TGM5: variants seen among roughly 807,000 people sequenced by gnomAD.
TGM5 encodes transglutaminase 5.
TGM5 carries 69 observed loss-of-function variants against 77.2 expected under a neutral mutation model. That is an observed-to-expected ratio of 0.89 (90% CI 0.74 to 1.09). The LOEUF (loss-of-function observed/expected upper bound fraction) is 1.09, where lower values mean the gene tolerates loss of function less well. Ranked by LOEUF, TGM5 falls within the 50% of genes least tolerant of loss-of-function variation. The pLI is 0.00. For missense variants in TGM5, 842 were observed against 896.5 expected (o/e 0.94, Z 0.78); for synonymous variants, 346 against 351.8 (o/e 0.98, Z 0.18).
chr15:43,253,176 C>G (rs901995195), intron 5 of TGM5, among the ~76,000 whole-genome samples: 1 of 152,168 alleles, frequency 6.6e-6, no homozygotes, highest in Non-Finnish European at 1.5e-5. Flanking sequence ...CATGTCCTCC[C>G]ATCCCCTGCA....
rs1220567712 is a variant in TGM5 at position 43,266,850 on chromosome 15, G to T, written c.-1C>A. ...AGGGGCTTTCCCTACCTTGGGCCAT[G>T]GTAGCTGCCTCCGGTTCCTGGGATG... On this transcript the variant is annotated 5_prime_UTR_variant, in exon 1 of 13. Transcript: ENST00000220420. 1 of 1,614,036 alleles carries T rather than the reference G, an allele frequency of 6.2e-7. No homozygotes were observed. The highest frequency in any genetic ancestry group is 8.5e-7 in the Non-Finnish European group (1 of 1,180,050).
chr15:43,246,850 A>G (rs2042672742), intron 6 of TGM5, among the ~76,000 whole-genome samples: 1 of 152,208 alleles, frequency 6.6e-6, no homozygotes, highest in African/African-American at 2.4e-5. Context: ...ATTTGATAAG[A>G]GTCTTCAGAA....
intron 4 of TGM5, 108 bp from the exon 5 acceptor site, chr15:43,253,742 G>T (rs1042827689): frequency 1.4e-6 from 2 of 1,464,416 alleles, no homozygotes; most frequent in Non-Finnish European, 1.9e-6. Context: ...TCACTTGGAA[G>T]GTAACTGTGT....
chr15:43,240,821 C>A (rs2042629986), intron 7 of TGM5, 31 bp downstream of exon 7: 1 of 1,613,578 alleles, frequency 6.2e-7, no homozygotes, highest in Middle Eastern at 1.7e-4. Context: ...GATGTGTGGC[C>A]CTAGAAATAG....
chr15:43,241,036 G>A (rs765079550), intron 6 of TGM5, 46 bp from the exon 7 acceptor site: 12 of 1,613,498 alleles, frequency 7.4e-6, no homozygotes, highest in Non-Finnish European at 1.0e-5. Context: ...GTAGATTCCG[G>A]ACCCGTATAT....
chr15:43,237,541 G>A (rs1226659544), intron 9 of TGM5, among the ~76,000 whole-genome samples: 1 of 151,998 alleles, frequency 6.6e-6, no homozygotes, highest in African/African-American at 2.4e-5. Flanking sequence ...CAAATAATTT[G>A]GGACAGCCTT....
intron 1 of TGM5, among the ~76,000 whole-genome samples, chr15:43,266,469 C>A (rs761307504): frequency 9.2e-5 from 14 of 152,190 alleles, no homozygotes; most frequent in Non-Finnish European, 2.1e-4. Context: ...GGTCCAATCC[C>A]TCCTTTTTCA....
Position 43,239,073 on chromosome 15 carries a change from G to A in TGM5, c.1106-17C>T. 1 of 1,614,050 alleles carries A rather than the reference G, an allele frequency of 6.2e-7. No individual in the cohort carries two copies. The highest frequency in any genetic ancestry group is 8.5e-7 in the Non-Finnish European group (1 of 1,180,004). On this transcript the variant is annotated splice_polypyrimidine_tract_variant and intron_variant, in intron 8 of 12. Coordinates refer to ENST00000220420, the MANE Select transcript of TGM5 (RefSeq NM_201631.4). ...AGTAGACGCCTGAAGGAGAACAGGGGAGCCTCGGTGGGCTGTTTGTTGCAG... is the reference window on the plus strand; with the variant it reads ...AGTAGACGCCTGAAGGAGAACAGGGAAGCCTCGGTGGGCTGTTTGTTGCAG...
rs757598618 is a variant in TGM5 at position 43,260,289 on chromosome 15, G to C, written c.199C>G (p.Pro67Ala). The change falls in exon 3 of 13, where the codon CCA becomes GCA. Residue 67 changes from proline to alanine, a missense_variant. Pro to Ala is a conservative substitution (Grantham distance 27, BLOSUM62 -1). This residue lies in a region of TGM5 where 815 missense variants were observed against 844.6 expected (regional missense o/e 0.96). Transcript: ENST00000220420. ...IIFVVETGPL[P>A]DLALGTRAVF... ...GCCCGAGTCCCCAAGGCCAGGTCTG[G>C]CAGCGGTCCTAGGAGGGAAGTAGAG... 6.2e-7 allele frequency: 1 copy of C among 1,613,926 alleles called. No individual in the cohort carries two copies. Among genetic ancestry groups the C allele is most frequent in the Non-Finnish European group, 8.5e-7 (1 of 1,180,036 alleles).
At chr15:43,245,253 C>A (rs774921738) in intron 6 of TGM5, among the ~76,000 whole-genome samples, 2 of 152,004 alleles carry the variant, frequency 1.3e-5, no homozygotes, top group Non-Finnish European at 2.9e-5. Context: ...TAGCTTTTAT[C>A]GAGAAATGTG....
In TGM5 at chr15:43,263,067, T is replaced by G. The variant is rs80098783; in HGVS notation, c.11-2488A>C. On this transcript the variant is annotated intron_variant, in intron 1 of 12. Coordinates refer to ENST00000220420, the MANE Select transcript of TGM5 (RefSeq NM_201631.4). ...CAATATACAAAAACCAATTGTATTT[T>G]TATACATTTGCAAGGAGTAACCTGA... Among the ~76,000 whole-genome samples the G allele has an allele frequency of 6.6e-4, 100 of 152,356 alleles. No homozygotes were observed. In the East Asian group the frequency reaches 0.017, roughly 26 times the overall value.
At chr15:43,234,625 C>A (rs996271640) in intron 11 of TGM5, 144 bp downstream of exon 11, 31 of 1,032,394 alleles carry the variant, frequency 3.0e-5, no homozygotes, top group African/African-American at 3.1e-5. Flanking sequence ...CTCAGACAAA[C>A]TTCTCCCTCC....
At chr15:43,265,811 G>C (rs578122908) in intron 1 of TGM5, among the ~76,000 whole-genome samples, 1 of 152,266 alleles carries the variant, frequency 6.6e-6, no homozygotes, top group South Asian at 2.1e-4. Context: ...CATCAATAGG[G>C]GACAGGATTA....
chr15:43,234,184 C>G (rs2042569809), intron 11 of TGM5, among the ~76,000 whole-genome samples: 1 of 152,154 alleles, frequency 6.6e-6, no homozygotes, highest in Admixed American at 6.5e-5. Context: ...TTCATGTTTC[C>G]CCACCGGAAG....
intron 1 of TGM5, 85 bp from the exon 2 acceptor site, chr15:43,260,664 G>T (rs1392146535): frequency 4.1e-6 from 6 of 1,455,446 alleles, no homozygotes; most frequent in Non-Finnish European, 5.8e-6. Context: ...GCAAACTTGA[G>T]AAAGTAACTT....
chr15:43,264,762 T>C (rs555441715), intron 1 of TGM5, among the ~76,000 whole-genome samples: 22 of 152,338 alleles, frequency 1.4e-4, no homozygotes, highest in Admixed American at 1.4e-3. Flanking sequence ...CTGAACTTGA[T>C]GGTATATGAA....
intron 1 of TGM5, among the ~76,000 whole-genome samples, chr15:43,264,587 G>A (rs967944800): frequency 7.2e-5 from 11 of 152,170 alleles, no homozygotes; most frequent in Admixed American, 5.2e-4. Flanking sequence ...ACAGAAAGTA[G>A]ATTTAGGGCT....
chr15:43,235,916 C>T, intron 9 of TGM5, 79 bp from the exon 10 acceptor site: 3 of 1,586,208 alleles, frequency 1.9e-6, no homozygotes, highest in Non-Finnish European at 2.6e-6. Flanking sequence ...ATCCCCCACC[C>T]AATATCTCCA....
At position 43,260,698 on chromosome 15, in the gene TGM5, C is replaced by T. The variant is rs927173847; in HGVS notation, c.11-119G>A. ...TTAGCTTGAGCCTCAGTTTCCATAT[C>T]AGTAAAATAGAGTCCATAAGATCAG... On this transcript the variant is annotated intron_variant, in intron 1 of 12. Coordinates refer to ENST00000220420, the MANE Select transcript of TGM5 (RefSeq NM_201631.4). 6 of 1,092,368 alleles carry T rather than the reference C, an allele frequency of 5.5e-6. No homozygotes were observed. In the African/African-American group the frequency reaches 7.7e-5, roughly 14 times the overall value. The allele number at this position is 1,092,368 out of a possible 1,614,324, so 67.7% of individuals were successfully genotyped here.
Sources: gnomAD v4.1 joint callset for allele counts (sites outside exome capture counted in the v4.1 genomes callset) on GRCh38, gnomAD v4.1.1 for gene constraint, gnomAD v4.1.1 regional missense constraint, MANE v1.5 for transcripts, NCBI Gene and HGNC (gene_info 2026-07-23, HGNC 2026-07-21) for gene names.